Variants in PACRG observed in about 807,000 individuals in gnomAD.
The protein encoded by PACRG is parkin coregulated, also known as parkin coregulated gene protein.
PACRG carries 29 observed loss-of-function variants against 29.7 expected under a neutral mutation model. The observed-to-expected ratio is 0.98, with a 90% confidence interval of 0.73 to 1.33. The LOEUF is 1.33. Ranked by LOEUF, PACRG falls within the 40% of genes most tolerant of loss-of-function variation. The probability of loss-of-function intolerance (pLI) is 0.00; values close to 1 mark genes in which losing one functional copy is unlikely to be tolerated. For missense variants in PACRG, 279 were observed against 316.2 expected, an observed-to-expected ratio of 0.88 and a Z score of 0.89; for synonymous variants, 116 against 118.7, an observed-to-expected ratio of 0.98 and a Z score of 0.15.
intron 4 of PACRG, among the ~76,000 whole-genome samples, chr6:163,291,611 G>A (rs1313114295): frequency 1.3e-5 from 2 of 152,240 alleles, no homozygotes; most frequent in East Asian, 3.8e-4. Context: ...TAGACACCAC[G>A]GAGCCTAATT....
At chr6:163,047,351 ATT>A (rs1182571423) in intron 2 of PACRG, among the ~76,000 whole-genome samples, 2 of 152,162 alleles carry the variant, frequency 1.3e-5, no homozygotes, top group Non-Finnish European at 2.9e-5. Flanking sequence ...TTCAATATGT[ATT>A]TTACTCCTTT....
At chr6:163,286,817 T>C (rs1206000938) in intron 4 of PACRG, among the ~76,000 whole-genome samples, 2 of 152,200 alleles carry the variant, frequency 1.3e-5, no homozygotes, top group Non-Finnish European at 2.9e-5. Context: ...TGTATGGATG[T>C]TTATGTACAT....
At chr6:162,980,888 T>C (rs1247251527) in intron 2 of PACRG, among the ~76,000 whole-genome samples, 1 of 151,974 alleles carries the variant, frequency 6.6e-6, no homozygotes, top group African/African-American at 2.4e-5. Flanking sequence ...GCCATTACTT[T>C]CTTTTTTTTT....
intron 3 of PACRG, among the ~76,000 whole-genome samples, chr6:163,072,837 T>A (rs1261866667): frequency 1.3e-5 from 2 of 152,106 alleles, no homozygotes; most frequent in African/African-American, 2.4e-5. Context: ...AAAGAAATTT[T>A]ACAATGTAGT....
intron 2 of PACRG, among the ~76,000 whole-genome samples, chr6:162,821,633 T>A (rs1211699717): frequency 1.3e-5 from 2 of 152,106 alleles, no homozygotes; most frequent in African/African-American, 2.4e-5. Flanking sequence ...CAGTGGTAAA[T>A]GTTGACGTTG....
chr6:163,208,933 A>G (rs1336920508), intron 4 of PACRG, among the ~76,000 whole-genome samples: 3 of 152,232 alleles, frequency 2.0e-5, no homozygotes, highest in Non-Finnish European at 2.9e-5. Flanking sequence ...CTCCAAATTT[A>G]TTACATTTTC....
chr6:163,263,878 C>CT (rs1377648917), intron 4 of PACRG, among the ~76,000 whole-genome samples: 1 of 152,166 alleles, frequency 6.6e-6, no homozygotes, highest in Non-Finnish European at 1.5e-5. Context: ...AAAGATAGCA[C>CT]TGAGAAAGCC....
rs79808534 is a variant in PACRG at position 163,146,156 on chromosome 6, T to G, written c.613+56748T>G. 9.8e-3 allele frequency among the ~76,000 whole-genome samples: 1,487 copies of G among 152,302 alleles called. 29 individuals carry two copies. Among genetic ancestry groups the G allele is most frequent in the East Asian group, 0.052 (268 of 5,168 alleles). Reference sequence around the variant, plus strand: ...TCCGTTCTCCCTCTTCTTCTTTCTTTTATAAATCTTTGTGCATGACACACA... The same window carrying G: ...TCCGTTCTCCCTCTTCTTCTTTCTTGTATAAATCTTTGTGCATGACACACA... On this transcript the variant is annotated intron_variant, in intron 4 of 4. Transcript: ENST00000366888.
At chr6:162,883,806 A>G (rs1393125305) in intron 2 of PACRG, among the ~76,000 whole-genome samples, 1 of 152,046 alleles carries the variant, frequency 6.6e-6, no homozygotes, top group Non-Finnish European at 1.5e-5. Context: ...CATTCCACAT[A>G]GAACTTTTGA....
chr6:163,108,856 A>C, intron 4 of PACRG, among the ~76,000 whole-genome samples: 1 of 152,218 alleles, frequency 6.6e-6, no homozygotes, highest in African/African-American at 2.4e-5. Context: ...TCTGCCTTGT[A>C]CCTGATCTTT....
chr6:162,955,739 C>A (rs1357642666), intron 2 of PACRG, among the ~76,000 whole-genome samples: 1 of 152,212 alleles, frequency 6.6e-6, no homozygotes, highest in African/African-American at 2.4e-5. Context: ...CCTTCTGATC[C>A]TAGTCAGCAG....
intron 2 of PACRG, among the ~76,000 whole-genome samples, chr6:162,864,794 T>G (rs1280644402): frequency 6.6e-6 from 1 of 152,248 alleles, no homozygotes; most frequent in Non-Finnish European, 1.5e-5. Flanking sequence ...CCACCTCTGA[T>G]TACTCCTACA....
intron 4 of PACRG, among the ~76,000 whole-genome samples, chr6:163,125,408 T>C (rs1816476834): frequency 1.3e-5 from 2 of 152,170 alleles, no homozygotes. Flanking sequence ...TCTGACTATA[T>C]AATATAAACT....
Position 162,945,653 on chromosome 6 carries a change from T to G in PACRG, c.292-116497T>G, listed in dbSNP as rs183651174. Among the ~76,000 whole-genome samples, 229 of 152,150 alleles carry G rather than the reference T, an allele frequency of 1.5e-3. 2 individuals are homozygous for G. The highest frequency in any genetic ancestry group is 5.2e-3 in the African/African-American group (215 of 41,546). ...ACTGCAGTTTAGACCAAAAGGACCT[T>G]TGGTATTTATAGAATATTTGAACTG... is the stretch of plus-strand genomic sequence containing the variant. On this transcript the variant is annotated intron_variant, in intron 2 of 4. Transcript: ENST00000366888.
chr6:163,114,436 T>C lies in PACRG; in HGVS notation c.613+25028T>C, dbSNP rs561340869. Among the ~76,000 whole-genome samples the C allele has an allele frequency of 5.9e-5, 9 of 152,032 alleles. No homozygotes were observed. In the East Asian group the frequency reaches 1.7e-3, roughly 29 times the overall value. ...GCTATAGAATATTTACAAAAAGAAA[T>C]GAGAAGCAAATTAATTCACTACACA... is the stretch of plus-strand genomic sequence containing the variant. On this transcript the variant is annotated intron_variant, in intron 4 of 4. Coordinates refer to ENST00000366888, the MANE Select transcript of PACRG (RefSeq NM_001080379.2).
chr6:162,957,316 T>A, intron 2 of PACRG: 1 of 589,728 alleles, frequency 1.7e-6, no homozygotes. Flanking sequence ...CTTGATCCTG[T>A]CCTGAACACA....
At chr6:162,848,111 A>G (rs1314735146) in intron 2 of PACRG, among the ~76,000 whole-genome samples, 1 of 152,164 alleles carries the variant, frequency 6.6e-6, no homozygotes, top group African/African-American at 2.4e-5. Flanking sequence ...ACCGAGCTGG[A>G]GGCTGCGGCC....
intron 2 of PACRG, among the ~76,000 whole-genome samples, chr6:162,874,378 G>A (rs1364188138): frequency 1.3e-5 from 2 of 151,710 alleles, no homozygotes; most frequent in African/African-American, 4.8e-5. Context: ...TTAGGGTTTT[G>A]GGCTAGGGCT....
At chr6:163,170,173 C>A (rs1006818959) in intron 4 of PACRG, among the ~76,000 whole-genome samples, 8 of 152,128 alleles carry the variant, frequency 5.3e-5, no homozygotes, top group Admixed American at 4.6e-4. Flanking sequence ...AGGCAGTTGC[C>A]CTGCGGGGAA....
Sources: gnomAD v4.1 joint callset for allele counts (sites outside exome capture counted in the v4.1 genomes callset) on GRCh38, gnomAD v4.1.1 for gene constraint, MANE v1.5 for transcripts, NCBI Gene and HGNC (gene_info 2026-07-23, HGNC 2026-07-21) for gene names.